Variants in OSBPL8 observed in about 807,000 individuals in gnomAD.
OSBPL8 encodes oxysterol binding protein like 8.
A neutral mutation model predicts 125.5 loss-of-function variants in OSBPL8; 59 were observed. That is an observed-to-expected ratio of 0.47 (90% CI 0.38 to 0.58). OSBPL8 has a LOEUF of 0.58. OSBPL8 is among the 20% of genes least tolerant of loss of function. OSBPL8 has a pLI of 0.00. For missense variants in OSBPL8, 758 were observed against 1,047.8 expected (o/e 0.72, Z 3.82); for synonymous variants, 330 against 338.9 (o/e 0.97, Z 0.29).
At chr12:76,388,968 T>C (rs1953440983) in intron 12 of OSBPL8, among the ~76,000 whole-genome samples, 1 of 152,140 alleles carries the variant, frequency 6.6e-6, no homozygotes, top group African/African-American at 2.4e-5. Flanking sequence ...GAAAGCACAG[T>C]GCCTTGAAAC....
At chr12:76,506,319 G>C (rs1880412055) in intron 1 of OSBPL8, among the ~76,000 whole-genome samples, 1 of 152,194 alleles carries the variant, frequency 6.6e-6, no homozygotes, top group Non-Finnish European at 1.5e-5. Flanking sequence ...AGATATCAAG[G>C]AGGCAGCTGA....
chr12:76,378,421 A>C lies in OSBPL8; in HGVS notation c.1729+31T>G, dbSNP rs1287820440. On this transcript the variant is annotated intron_variant, in intron 16 of 23. Transcript: ENST00000261183. The stretch of plus-strand genomic sequence containing the variant: ...ATACATTTACTTAAAAGGAAAGCTT[A>C]ATATCTAATTCAAGTATAGAAAATA... 2.2e-6 allele frequency: 3 copies of C among 1,392,588 alleles called. No individual in the cohort carries two copies. In the African/African-American group the frequency reaches 4.3e-5, roughly 20 times the overall value. The allele number at this position is 1,392,588 out of a possible 1,614,324, so 86.3% of individuals were successfully genotyped here.
chr12:76,434,735 T>C (rs73383572), intron 4 of OSBPL8, among the ~76,000 whole-genome samples: 5,081 of 152,118 alleles, frequency 0.033, 259 homozygotes, highest in African/African-American at 0.11. Flanking sequence ...AAAGAAGATA[T>C]ACAAATGGCC....
At chr12:76,430,662 G>GT (rs1348167053) in intron 4 of OSBPL8, among the ~76,000 whole-genome samples, 3 of 152,186 alleles carry the variant, frequency 2.0e-5, no homozygotes, top group African/African-American at 7.2e-5. Context: ...GGAAAACACT[G>GT]TAAGACTATC....
rs1320196382 is a variant in OSBPL8, at chr12:76,539,051, G to GC, written c.-68+20345_-68+20346insG. ...CTAAGAGCCTGCTATTAAATAACTGGGGGGGGGGAGGGGGAGGGTAAGTAT... is the reference window on the plus strand; with the variant it reads ...CTAAGAGCCTGCTATTAAATAACTGGCGGGGGGGGAGGGGGAGGGTAAGTAT... On this transcript the variant is annotated intron_variant, in intron 1 of 23. Coordinates refer to ENST00000261183, the MANE Select transcript of OSBPL8 (RefSeq NM_020841.5). Among the ~76,000 whole-genome samples the GC allele has an allele frequency of 2.7e-4, 25 of 91,732 alleles. 1 individual carries two copies. The highest frequency in any genetic ancestry group is 4.0e-4 in the Non-Finnish European group (20 of 49,600). 60.2% of individuals were successfully genotyped at this position (91,732 alleles called of 152,430 possible).
At chr12:76,509,588 A>T (rs1386126735) in intron 1 of OSBPL8, among the ~76,000 whole-genome samples, 1 of 152,220 alleles carries the variant, frequency 6.6e-6, no homozygotes, top group African/African-American at 2.4e-5. Flanking sequence ...GAGTATACTA[A>T]TATTTTGGCA....
intron 2 of OSBPL8, among the ~76,000 whole-genome samples, chr12:76,485,087 A>AT (rs1446652906): frequency 2.6e-5 from 4 of 151,374 alleles, no homozygotes; most frequent in Non-Finnish European, 5.9e-5. Flanking sequence ...CGTCCGGCTA[A>AT]TTTTTTTGTA....
At chr12:76,477,889 T>TAA (rs879863434) in intron 2 of OSBPL8, among the ~76,000 whole-genome samples, 245 of 143,998 alleles carry the variant, frequency 1.7e-3, no homozygotes, top group African/African-American at 5.9e-3. Flanking sequence ...AAAATTAAAC[T>TAA]AAAAAAAAAA....
At chr12:76,531,124 G>A (rs1335222913) in intron 1 of OSBPL8, among the ~76,000 whole-genome samples, 2 of 152,170 alleles carry the variant, frequency 1.3e-5, no homozygotes, top group African/African-American at 4.8e-5. Flanking sequence ...CATGGCAGAA[G>A]GCAAAGGGGA....
chr12:76,374,364 C>T (rs1023918057), intron 17 of OSBPL8, among the ~76,000 whole-genome samples: 3 of 152,074 alleles, frequency 2.0e-5, no homozygotes, highest in African/African-American at 7.2e-5. Context: ...TGCCACTCTC[C>T]CAATGAGAAG....
At position 76,470,295 on chromosome 12, in the gene OSBPL8, T is replaced by C. The variant is rs575209419; in HGVS notation, c.43-10400A>G. ...GAATTAAAGCTATAACCTTGAGCTT[T>C]GACTTCATTAACATTTTCCTCTAAA... On this transcript the variant is annotated intron_variant, in intron 2 of 23. Coordinates refer to ENST00000261183, the MANE Select transcript of OSBPL8 (RefSeq NM_020841.5). Among the ~76,000 whole-genome samples the C allele has an allele frequency of 1.6e-3, 240 of 152,364 alleles. 1 individual carries two copies. The highest frequency in any genetic ancestry group is 4.8e-3 in the African/African-American group (198 of 41,586).
intron 2 of OSBPL8, among the ~76,000 whole-genome samples, chr12:76,469,837 T>C (rs1315792652): frequency 6.6e-6 from 1 of 151,930 alleles, no homozygotes; most frequent in Admixed American, 6.6e-5. Context: ...CTATATTCCT[T>C]AAAACTAGAA....
chr12:76,361,346 G>T (rs1252143100), intron 21 of OSBPL8, among the ~76,000 whole-genome samples: 1 of 152,108 alleles, frequency 6.6e-6, no homozygotes, highest in Non-Finnish European at 1.5e-5. Context: ...CTCCATCTGA[G>T]ACCACCTCAG....
intron 21 of OSBPL8, among the ~76,000 whole-genome samples, chr12:76,365,750 ATGTTGAGGAAGTCTCTTC>A (rs1952390747): frequency 6.6e-6 from 1 of 152,132 alleles, no homozygotes; most frequent in African/African-American, 2.4e-5. Context: ...GCCCTTAATG[ATGTTGAGGAAGTCTCTTC>A]TCTTCCTAGA....
At chr12:76,525,199 T>G (rs1950139086) in intron 1 of OSBPL8, among the ~76,000 whole-genome samples, 2 of 152,206 alleles carry the variant, frequency 1.3e-5, no homozygotes, top group South Asian at 4.1e-4. Flanking sequence ...TTTCTCAGAA[T>G]TATTTGAACA....
chr12:76,530,811 A>G (rs1228128945), intron 1 of OSBPL8, among the ~76,000 whole-genome samples: 1 of 152,200 alleles, frequency 6.6e-6, no homozygotes, highest in Non-Finnish European at 1.5e-5. Context: ...AGTATAATAA[A>G]GCAATAAAGG....
At chr12:76,533,857 T>C (rs1001767850) in intron 1 of OSBPL8, among the ~76,000 whole-genome samples, 3 of 152,174 alleles carry the variant, frequency 2.0e-5, no homozygotes, top group African/African-American at 7.2e-5. Context: ...ACATCTATAG[T>C]CATTTCCAGT....
At chr12:76,541,855 C>A (rs1305103973) in intron 1 of OSBPL8, among the ~76,000 whole-genome samples, 1 of 151,306 alleles carries the variant, frequency 6.6e-6, no homozygotes. Context: ...GACTCTGTCT[C>A]AAAAAATAAA....
chr12:76,511,912 G>A (rs1056846055), intron 1 of OSBPL8, among the ~76,000 whole-genome samples: 18 of 152,048 alleles, frequency 1.2e-4, no homozygotes, highest in African/African-American at 4.4e-4. Flanking sequence ...TGGTGTAAGG[G>A]GTCCAGCTCC....
Sources: allele counts gnomAD v4.1 joint callset (sites outside exome capture counted in the v4.1 genomes callset), GRCh38; gene constraint gnomAD v4.1.1; transcripts MANE v1.5; gene names NCBI Gene and HGNC (gene_info 2026-07-23, HGNC 2026-07-21).